FUT9: variants seen among roughly 807,000 people sequenced by gnomAD.
The protein encoded by FUT9 is 4-galactosyl-N-acetylglucosaminide 3-alpha-L-fucosyltransferase 9.
FUT9 carries 15 observed loss-of-function variants against 29.7 expected under a neutral mutation model. The observed-to-expected ratio is 0.51, with a 90% confidence interval of 0.34 to 0.78. FUT9 has a LOEUF of 0.78. FUT9 is among the 30% of genes least tolerant of loss of function. The pLI, the probability that FUT9 is intolerant of heterozygous loss-of-function variation, is 0.01. For synonymous variants in FUT9, 169 were observed against 153.7 expected, an observed-to-expected ratio of 1.10 and a Z score of -0.74; for missense variants, 319 against 425.4, an observed-to-expected ratio of 0.75 and a Z score of 2.20.
intron 2 of FUT9, among the ~76,000 whole-genome samples, chr6:96,146,220 G>A (rs563543593): frequency 1.3e-5 from 2 of 152,218 alleles, no homozygotes; most frequent in Admixed American, 1.3e-4. Flanking sequence ...TATCAGACAT[G>A]AGCTTCTCAA....
At chr6:96,105,920 T>C (rs1771671195) in intron 1 of FUT9, among the ~76,000 whole-genome samples, 1 of 152,204 alleles carries the variant, frequency 6.6e-6, no homozygotes, top group Admixed American at 6.5e-5. Context: ...TAGATGATTC[T>C]TATGCCTATT....
intron 1 of FUT9, among the ~76,000 whole-genome samples, chr6:96,095,659 C>T (rs149424300): frequency 5.9e-4 from 90 of 152,208 alleles, no homozygotes; most frequent in African/African-American, 1.8e-3. Context: ...GCCGGTTCTT[C>T]TCATCTTTAC....
chr6:96,155,801 A>G (rs1246768011), intron 2 of FUT9, among the ~76,000 whole-genome samples: 1 of 152,000 alleles, frequency 6.6e-6, no homozygotes, highest in African/African-American at 2.4e-5. Context: ...CAAGCCAAGA[A>G]AGAGTCTCAG....
chr6:96,027,692 TGTGCA>T (rs949334426), intron 1 of FUT9, among the ~76,000 whole-genome samples: 2 of 151,668 alleles, frequency 1.3e-5, no homozygotes, highest in African/African-American at 4.8e-5. Flanking sequence ...CCTTTCCTTC[TGTGCA>T]GTGAACTTGA....
intron 1 of FUT9, among the ~76,000 whole-genome samples, chr6:96,097,508 C>G (rs956768113): frequency 1.3e-5 from 2 of 152,110 alleles, no homozygotes; most frequent in African/African-American, 4.8e-5. Flanking sequence ...TGAATGAATT[C>G]ATGAGTAAAA....
intron 2 of FUT9, among the ~76,000 whole-genome samples, chr6:96,127,581 G>A (rs1000376218): frequency 6.6e-6 from 1 of 152,080 alleles, no homozygotes; most frequent in Admixed American, 6.6e-5. Flanking sequence ...GGGCTTAATG[G>A]TAATTTTAAG....
At chr6:96,082,425 G>A (rs1331174315) in intron 1 of FUT9, among the ~76,000 whole-genome samples, 4 of 151,534 alleles carry the variant, frequency 2.6e-5, no homozygotes, top group African/African-American at 4.8e-5. Flanking sequence ...ATGATCAGCA[G>A]TATAACAAAT....
chr6:96,198,523 G>A (rs1414126335), intron 2 of FUT9, among the ~76,000 whole-genome samples: 4 of 151,870 alleles, frequency 2.6e-5, no homozygotes, highest in African/African-American at 9.7e-5. Flanking sequence ...ATCATTGTTG[G>A]ACATTTGGGT....
chr6:96,103,339 C>A (rs1771620495), intron 1 of FUT9, among the ~76,000 whole-genome samples: 1 of 152,064 alleles, frequency 6.6e-6, no homozygotes, highest in Non-Finnish European at 1.5e-5. Flanking sequence ...TCTTTATATT[C>A]AAGAACTCAA....
chr6:96,191,169 G>T (rs1005089573), intron 2 of FUT9, among the ~76,000 whole-genome samples: 2 of 152,016 alleles, frequency 1.3e-5, no homozygotes, highest in Non-Finnish European at 2.9e-5. Flanking sequence ...GTCCACTCTA[G>T]ACCCTTTTTG....
intron 1 of FUT9, among the ~76,000 whole-genome samples, chr6:96,087,306 G>A (rs1771332290): frequency 6.6e-6 from 1 of 151,076 alleles, no homozygotes; most frequent in South Asian, 2.1e-4. Flanking sequence ...AAGTAACATA[G>A]CACTCTACAT....
chr6:96,157,373 CT>C (rs762990148), intron 2 of FUT9, among the ~76,000 whole-genome samples: 4 of 152,086 alleles, frequency 2.6e-5, no homozygotes, highest in Non-Finnish European at 4.4e-5. Context: ...GATTCTCTGT[CT>C]TTTCATAATC....
At chr6:96,078,105 T>C (rs1771170156) in intron 1 of FUT9, among the ~76,000 whole-genome samples, 2 of 152,220 alleles carry the variant, frequency 1.3e-5, no homozygotes, top group Non-Finnish European at 2.9e-5. Context: ...ATGAATGAGA[T>C]GTTGGACCTT....
chr6:96,049,380 T>G (rs1396093885), intron 1 of FUT9, among the ~76,000 whole-genome samples: 1 of 152,226 alleles, frequency 6.6e-6, no homozygotes, highest in Non-Finnish European at 1.5e-5. Flanking sequence ...AATTCAGTGT[T>G]TAAATAGAAG....
intron 1 of FUT9, among the ~76,000 whole-genome samples, chr6:96,096,351 T>C (rs1025651010): frequency 2.6e-5 from 4 of 152,068 alleles, no homozygotes; most frequent in Non-Finnish European, 5.9e-5. Context: ...TCAATAATTG[T>C]ACTAGTTTAC....
rs552093912 is a variant in FUT9, at chr6:96,125,433, A to G, written c.-9+11306A>G. On this transcript the variant is annotated intron_variant, in intron 2 of 2. Coordinates refer to ENST00000302103, the MANE Select transcript of FUT9 (RefSeq NM_006581.4). The stretch of plus-strand genomic sequence containing the variant: ...CAAATTGAAATGTGATATTGATTAC[A>G]GAAGTACTTAATCATTATAATAACA... 3.3e-5 allele frequency among the ~76,000 whole-genome samples: 5 copies of G among 152,354 alleles called. 1 individual carries two copies. Among genetic ancestry groups the G allele is most frequent in the Admixed American group, 1.3e-4 (2 of 15,304 alleles).
intron 2 of FUT9, among the ~76,000 whole-genome samples, chr6:96,160,788 C>T (rs540047239): frequency 6.6e-6 from 1 of 151,976 alleles, no homozygotes; most frequent in Non-Finnish European, 1.5e-5. Flanking sequence ...AAAATATAAT[C>T]TTTTTACAAA....
chr6:96,058,132 C>A (rs1770807383), intron 1 of FUT9, among the ~76,000 whole-genome samples: 1 of 152,030 alleles, frequency 6.6e-6, no homozygotes, highest in Non-Finnish European at 1.5e-5. Context: ...GCTGAAAACA[C>A]AAGGCACTTT....
intron 1 of FUT9, among the ~76,000 whole-genome samples, chr6:96,052,571 T>G (rs1439153037): frequency 1.3e-5 from 2 of 152,142 alleles, no homozygotes; most frequent in African/African-American, 4.8e-5. Context: ...AATAGAAAGT[T>G]GGAAAGCCAA....
Sources: allele counts gnomAD v4.1 joint callset (sites outside exome capture counted in the v4.1 genomes callset), GRCh38; gene constraint gnomAD v4.1.1; transcripts MANE v1.5; gene names NCBI Gene and HGNC (gene_info 2026-07-23, HGNC 2026-07-21).